P2RY14: variants seen among roughly 807,000 people sequenced by gnomAD.
P2RY14 encodes P2Y purinoceptor 14.
P2RY14 carries 2 observed loss-of-function variants against 0.9 expected under a neutral mutation model. The observed-to-expected ratio is 2.16, with a 90% CI of 0.88 to 6.79. The LOEUF (loss-of-function observed/expected upper bound fraction) is 6.79. Ranked by LOEUF, P2RY14 falls within the 30% of genes most tolerant of loss-of-function variation. P2RY14 has a pLI of 0.05. For synonymous variants in P2RY14, 158 were observed against 147.2 expected, an observed-to-expected ratio of 1.07 and a Z score of -0.53; for missense variants, 378 against 400.1, an observed-to-expected ratio of 0.94 and a Z score of 0.47.
At position 151,245,555 on chromosome 3, in the gene P2RY14, GACAAAATTCA is replaced by G. The variant is rs1735239054; in HGVS notation, c.-132-25923_-132-25914del. Among the ~76,000 whole-genome samples, 3 of 149,754 alleles carry G rather than the reference GACAAAATTCA, an allele frequency of 2.0e-5. No individual in the cohort carries two copies. The South Asian group carries it at 6.6e-4, about 33-fold the overall frequency. On this transcript the variant is annotated intron_variant, in intron 1 of 2. Coordinates refer to ENST00000309170, the MANE Select transcript of P2RY14 (RefSeq NM_014879.4). ...CTCAATAGATGCAGAAAAGGCCTTT[GACAAAATTCA>G]ACAACCCTTCATGCTGAAAACTCTC... is the stretch of plus-strand genomic sequence containing the variant.
rs769208048 is a variant in P2RY14 at position 151,213,479 on chromosome 3, T to G, written c.838A>C (p.Thr280Pro). The G allele has an allele frequency of 6.2e-7, 1 of 1,614,126 alleles. No individual in the cohort carries two copies. The highest frequency in any genetic ancestry group is 8.5e-7 in the Non-Finnish European group (1 of 1,180,008). ...ACATTTGCAGCAGATAGTAGCAGAG[T>G]GAATTCTTTCATATACCGCAAGATT... is the stretch of plus-strand genomic sequence containing the variant. Reference protein sequence around the residue: ...KEILRYMKEFTLLLSAANVCL... With the variant: ...KEILRYMKEFPLLLSAANVCL... The change falls in exon 3 of 3, where the codon ACT (threonine) becomes CCT (proline). Residue 280 changes from threonine to proline, a missense_variant. Coordinates refer to ENST00000309170, the MANE Select transcript of P2RY14 (RefSeq NM_014879.4).
intron 1 of P2RY14, among the ~76,000 whole-genome samples, chr3:151,257,815 T>C (rs895184336): frequency 6.6e-6 from 1 of 152,242 alleles, no homozygotes; most frequent in African/African-American, 2.4e-5. Flanking sequence ...TCAAGTGTCA[T>C]GTGGACCACT....
At chr3:151,278,209 C>T (rs1370523934) in intron 1 of P2RY14, 78 bp downstream of exon 1, 1 of 152,160 alleles carries the variant, frequency 6.6e-6, no homozygotes, top group Admixed American at 6.5e-5. Flanking sequence ...TTGTTGCTGC[C>T]CAGCTCAGAA....
At chr3:151,258,305 T>C (rs759569737) in intron 1 of P2RY14, among the ~76,000 whole-genome samples, 6 of 152,262 alleles carry the variant, frequency 3.9e-5, no homozygotes, top group Non-Finnish European at 5.9e-5. Context: ...CTTCCCACTT[T>C]CTTTAATTCT....
At chr3:151,227,208 C>G (rs758986841) in intron 1 of P2RY14, among the ~76,000 whole-genome samples, 9 of 152,216 alleles carry the variant, frequency 5.9e-5, no homozygotes, top group Non-Finnish European at 1.2e-4. Flanking sequence ...AGGAGCTGTG[C>G]TAAGTTTTCA....
rs1727664131 is a variant in P2RY14, at chr3:151,213,960, T to C, written c.357A>G (p.Arg119=). Residue 119 remains arginine (R), a synonymous_variant, in exon 3 of 3, where the codon AGA becomes AGG. Coordinates refer to ENST00000309170, the MANE Select transcript of P2RY14 (RefSeq NM_014879.4). ...AAAGAGGCTTTACAATTTTATAATA[T>C]CTGTCAAAGCTGATGAGCCCAAAGA... ...IVFFGLISFD[R]YYKIVKPLWT... is the part of the protein sequence containing the mutation. 1.2e-6 allele frequency: 2 copies of C among 1,614,068 alleles called. No individual in the cohort carries two copies. The highest frequency in any genetic ancestry group is 8.5e-7 in the Non-Finnish European group (1 of 1,179,988).
chr3:151,246,965 G>A (rs944965695), intron 1 of P2RY14, among the ~76,000 whole-genome samples: 3 of 152,068 alleles, frequency 2.0e-5, no homozygotes, highest in African/African-American at 4.8e-5. Context: ...CAAAGGACAC[G>A]AACAGACACT....
chr3:151,227,934 T>C (rs1348366393), intron 1 of P2RY14, among the ~76,000 whole-genome samples: 1 of 152,256 alleles, frequency 6.6e-6, no homozygotes, highest in Non-Finnish European at 1.5e-5. Flanking sequence ...CCATGGTTTG[T>C]GCAACCAGCC....
intron 1 of P2RY14, among the ~76,000 whole-genome samples, chr3:151,246,307 C>T (rs1373207825): frequency 2.6e-5 from 4 of 152,082 alleles, no homozygotes; most frequent in African/African-American, 4.8e-5. Flanking sequence ...GAGCCCGTAT[C>T]GCCAAGTCAA....
chr3:151,265,299 T>C (rs1739627039), intron 1 of P2RY14, among the ~76,000 whole-genome samples: 1 of 152,142 alleles, frequency 6.6e-6, no homozygotes, highest in South Asian at 2.1e-4. Context: ...TCTTTTGGCT[T>C]TTAAAGTTAA....
Position 151,213,881 on chromosome 3 carries a change from A to G in P2RY14, c.436T>C (p.Trp146Arg). The G allele has an allele frequency of 1.2e-6, 2 of 1,614,054 alleles. No individual in the cohort carries two copies. Residue 146 changes from tryptophan to arginine, a missense_variant, in exon 3 of 3, where the codon TGG becomes CGG. Physicochemically the swap from Trp to Arg is moderately radical, Grantham distance 101. Coordinates refer to ENST00000309170, the MANE Select transcript of P2RY14 (RefSeq NM_014879.4). ...ACAGCAAGGAGGAGCATGAGCATCCATACTATCACTGACAGAAGTTTGCTG... is the reference window on the plus strand; with the variant it reads ...ACAGCAAGGAGGAGCATGAGCATCCGTACTATCACTGACAGAAGTTTGCTG... The part of the protein sequence containing the change: ...SYSKLLSVIV[W>R]MLMLLLAVPN...
intron 1 of P2RY14, among the ~76,000 whole-genome samples, chr3:151,227,876 G>T (rs956474124): frequency 1.3e-5 from 2 of 152,150 alleles, no homozygotes; most frequent in South Asian, 2.1e-4. Flanking sequence ...GTATTGTTGG[G>T]TGTTTAGCCG....
intron 1 of P2RY14, among the ~76,000 whole-genome samples, chr3:151,239,297 A>G (rs1733594875): frequency 6.6e-6 from 1 of 152,276 alleles, no homozygotes; most frequent in South Asian, 2.1e-4. Context: ...ACATGGTTTT[A>G]GATCCAATAT....
intron 1 of P2RY14, among the ~76,000 whole-genome samples, chr3:151,235,508 A>G (rs1219328178): frequency 6.6e-6 from 1 of 152,154 alleles, no homozygotes; most frequent in African/African-American, 2.4e-5. Context: ...GATCGAGACC[A>G]TCATGGCTAA....
At chr3:151,267,840 A>G (rs531712801) in intron 1 of P2RY14, among the ~76,000 whole-genome samples, 3 of 152,228 alleles carry the variant, frequency 2.0e-5, no homozygotes, top group Non-Finnish European at 4.4e-5. Context: ...TTTTGGCTGA[A>G]TAATATCAAG....
chr3:151,238,759 C>A (rs1733443779), intron 1 of P2RY14, among the ~76,000 whole-genome samples: 2 of 152,118 alleles, frequency 1.3e-5, no homozygotes, highest in Admixed American at 6.5e-5. Flanking sequence ...TAAATCTCAA[C>A]CATAAAAATA....
intron 1 of P2RY14, among the ~76,000 whole-genome samples, chr3:151,256,881 G>T (rs1256428381): frequency 6.7e-6 from 1 of 149,360 alleles, no homozygotes; most frequent in African/African-American, 2.5e-5. Context: ...TTTTAAATGG[G>T]TCATGGGGAA....
In P2RY14 at chr3:151,213,593, A is replaced by C. The variant is rs1219502957; in HGVS notation, c.724T>G (p.Phe242Val). ...SRNIFSIVFVFFVCFVPYHIA... is the reference protein window; with the variant it reads ...SRNIFSIVFVVFVCFVPYHIA... ...TGGTAAGGTACAAAACAGACAAAAA[A>C]CACAAACACGATGCTGAATATGTTG... The change falls in exon 3 of 3, where the codon TTT (phenylalanine) becomes GTT (valine). Residue 242 changes from phenylalanine (F) to valine (V), a missense_variant. By Grantham distance (50) the Phe-to-Val change is conservative. Transcript: ENST00000309170. 2 of 1,614,092 alleles carry C rather than the reference A, an allele frequency of 1.2e-6. No homozygotes were observed. The highest frequency in any genetic ancestry group is 1.7e-6 in the Non-Finnish European group (2 of 1,180,052).
chr3:151,253,863 C>T lies in P2RY14; in HGVS notation c.-133+24424G>A, dbSNP rs376191395. Among the ~76,000 whole-genome samples the T allele has an allele frequency of 2.4e-4, 36 of 152,132 alleles. No homozygotes were observed. In the South Asian group the frequency reaches 7.3e-3, roughly 31 times the overall value. ...GACACCTGACTCCTAAGACTTAGCT[C>T]CACTGAAAAAGGTCTTTCATATCCA... On this transcript the variant is annotated intron_variant, in intron 1 of 2. Transcript: ENST00000309170.
Sources: gnomAD v4.1 joint callset for allele counts (sites outside exome capture counted in the v4.1 genomes callset) on GRCh38, gnomAD v4.1.1 for gene constraint, MANE v1.5 for transcripts, NCBI Gene and HGNC (gene_info 2026-07-23, HGNC 2026-07-21) for gene names.